RFC5: variants seen among roughly 807,000 people sequenced by gnomAD.
RFC5 encodes A1 36 kDa subunit.
In RFC5, 26 loss-of-function variants were observed where a neutral mutation model predicts 44.3. The observed-to-expected ratio is 0.59, with a 90% CI of 0.43 to 0.81. The LOEUF (loss-of-function observed/expected upper bound fraction) is 0.81. Ranked by LOEUF, RFC5 falls within the 40% of genes least tolerant of loss-of-function variation. The probability of loss-of-function intolerance (pLI) is 0.00; values close to 1 mark genes in which losing one functional copy is unlikely to be tolerated. For synonymous variants in RFC5, 155 were observed against 155.2 expected, an observed-to-expected ratio of 1.00 and a Z score of 0.01; for missense variants, 328 against 418.6, an observed-to-expected ratio of 0.78 and a Z score of 1.89.
chr12:118,035,452 G>T, downstream of RFC5: 1 of 752,060 alleles, frequency 1.3e-6, no homozygotes, highest in Non-Finnish European at 2.2e-6. Context: ...TGTGCCCCTC[G>T]TGGAAAAGCT....
downstream of RFC5, among the ~76,000 whole-genome samples, chr12:118,037,535 T>C (rs2031539917): frequency 6.6e-6 from 1 of 151,038 alleles, no homozygotes; most frequent in African/African-American, 2.4e-5. Flanking sequence ...AGGCGTGGTG[T>C]AGCACGCCTA....
Position 118,027,835 on chromosome 12 carries a change from A to C in RFC5, c.794-118A>C, listed in dbSNP as rs961928417. On this transcript the variant is annotated intron_variant, in intron 8 of 10. Transcript: ENST00000454402. ...TGCAGCTTCAAGTTGAAAGAGAAAC[A>C]GTTGTGTTGGGATTAAAAGCCTTAC... 6.1e-6 allele frequency: 4 copies of C among 654,548 alleles called. No homozygotes were observed. In the African/African-American group the frequency reaches 7.2e-5, roughly 12 times the overall value. 40.5% of individuals were successfully genotyped at this position (654,548 alleles called of 1,614,324 possible). A position where few individuals can be genotyped will look rare whatever the true frequency, so the allele number is the denominator to read the frequency against.
chr12:118,028,493 AAC>A (rs978931526), intron 9 of RFC5, among the ~76,000 whole-genome samples: 8 of 150,988 alleles, frequency 5.3e-5, no homozygotes, highest in African/African-American at 2.0e-4. Flanking sequence ...CAAAAAAAAA[AAC>A]AAAACAAAAC....
intron 4 of RFC5, among the ~76,000 whole-genome samples, chr12:118,021,889 A>G (rs911521568): frequency 3.3e-5 from 5 of 152,096 alleles, no homozygotes; most frequent in African/African-American, 1.2e-4. Context: ...CCCAGGAGGC[A>G]GAGGTTGCAG....
downstream of RFC5, chr12:118,034,195 C>T: frequency 6.2e-7 from 1 of 1,614,144 alleles, no homozygotes; most frequent in South Asian, 1.1e-5. Context: ...TGTGGTGTTG[C>T]TTAAAAAGTC....
downstream of RFC5, chr12:118,036,631 C>A: frequency 9.7e-7 from 1 of 1,026,244 alleles, no homozygotes; most frequent in South Asian, 1.7e-5. Flanking sequence ...ATTCTCTATC[C>A]CTTTTCTACA....
At chr12:118,029,595 A>G (rs1340173163) in intron 9 of RFC5, among the ~76,000 whole-genome samples, 176 bp from the exon 10 acceptor site, 1 of 152,146 alleles carries the variant, frequency 6.6e-6, no homozygotes, top group Non-Finnish European at 1.5e-5. Flanking sequence ...TCGAGTGGGT[A>G]AAAAGTATGA....
intron 7 of RFC5, among the ~76,000 whole-genome samples, chr12:118,026,104 A>T (rs2030924132): frequency 6.6e-6 from 1 of 151,886 alleles, no homozygotes; most frequent in African/African-American, 2.4e-5. Context: ...CAGCTTCCTA[A>T]AGTGCTGGGA....
At chr12:118,028,212 G>A (rs1009813327) in intron 9 of RFC5, among the ~76,000 whole-genome samples, 182 bp downstream of exon 9, 5 of 152,108 alleles carry the variant, frequency 3.3e-5, no homozygotes, top group Admixed American at 2.6e-4. Flanking sequence ...AGCTGGGTAC[G>A]GTGGCTCAAG....
Position 118,023,955 on chromosome 12 carries a change from A to G in RFC5, c.422-896A>G, listed in dbSNP as rs1040605876. 4.6e-5 allele frequency among the ~76,000 whole-genome samples: 7 copies of G among 152,110 alleles called. No homozygotes were observed. In the East Asian group the frequency reaches 1.4e-3, roughly 29 times the overall value. Reference sequence around the variant, plus strand: ...GGCTAGGCAGGGCGCAGTGGCTCACACCTGTAATCCCAGTACTTTGGGAGG... The same window carrying G: ...GGCTAGGCAGGGCGCAGTGGCTCACGCCTGTAATCCCAGTACTTTGGGAGG... On this transcript the variant is annotated intron_variant, in intron 5 of 10. Coordinates refer to ENST00000454402, the MANE Select transcript of RFC5 (RefSeq NM_007370.7).
At position 118,019,057 on chromosome 12, in the gene RFC5, T is replaced by G; in HGVS notation, c.66-15T>G. ...CATTTATATATGTCATAATACATAC[T>G]AAATTGTATTTCAGGGTTGAAAAAT... is the stretch of plus-strand genomic sequence containing the variant. On this transcript the variant is annotated splice_polypyrimidine_tract_variant and intron_variant, in intron 1 of 10. Transcript: ENST00000454402. This position sits in a 1 kb window ranked among gnomAD's most constrained non-coding sequence, Gnocchi z 4.2. 6.3e-7 allele frequency: 1 copy of G among 1,580,218 alleles called. No individual in the cohort carries two copies. Among genetic ancestry groups the G allele is most frequent in the East Asian group, 2.2e-5 (1 of 44,740 alleles).
chr12:118,023,442 G>A (rs2030682206), intron 5 of RFC5, among the ~76,000 whole-genome samples: 2 of 75,892 alleles, frequency 2.6e-5, no homozygotes, highest in Admixed American at 1.4e-4. Context: ...AGGAGGGGGT[G>A]AGGAGGAGGA....
downstream of RFC5, chr12:118,035,090 G>A (rs1752297558): frequency 1.9e-6 from 3 of 1,614,158 alleles, no homozygotes; most frequent in Admixed American, 1.7e-5. Context: ...AGATCCTGAG[G>A]AGTCTGGATG....
rs1593457148 is a variant in RFC5 at position 118,031,505 on chromosome 12, T to C, written c.*227T>C. ...TTTTAATGTATTAACTCATACTGCC[T>C]GTCTTTTATAGGGGAAAAAAATAAC... On this transcript the variant is annotated 3_prime_UTR_variant, in exon 11 of 11. Transcript: ENST00000454402. 4 of 345,104 alleles carry C rather than the reference T, an allele frequency of 1.2e-5. No homozygotes were observed. The highest frequency in any genetic ancestry group is 4.7e-5 in the Admixed American group (1 of 21,326). The allele number at this position is 345,104 out of a possible 1,614,324, so 21.4% of individuals were successfully genotyped here. A position where few individuals can be genotyped will look rare whatever the true frequency, so the allele number is the denominator to read the frequency against.
chr12:118,017,685 T>C, intron 1 of RFC5: 1 of 929,994 alleles, frequency 1.1e-6, no homozygotes, highest in Non-Finnish European at 1.4e-6. Flanking sequence ...ATTTTTTTTT[T>C]TTAGAGACAG....
At chr12:118,022,473 T>G (rs1187674011) in intron 5 of RFC5, 114 bp downstream of exon 5, 1 of 751,304 alleles carries the variant, frequency 1.3e-6, no homozygotes, top group Non-Finnish European at 2.2e-6. Flanking sequence ...GAGTTTTTTT[T>G]TCTTTTTTTG....
chr12:118,016,837 T>C lies in RFC5; in HGVS notation c.10T>C (p.Ser4Pro). The change falls in exon 1 of 11, where the codon TCA becomes CCA. Residue 4 changes from serine to proline, a missense_variant. Ser to Pro is a moderately conservative substitution (Grantham distance 74). Transcript: ENST00000454402. MET[S>P]ALKQQEQPAA... ...CCTTCGTCTCCCCGCCATGGAGACCTCAGCACTCAAGCAGCAGGAGCAGCC... is the reference window on the plus strand; with the variant it reads ...CCTTCGTCTCCCCGCCATGGAGACCCCAGCACTCAAGCAGCAGGAGCAGCC... 6.2e-7 allele frequency: 1 copy of C among 1,613,248 alleles called. No individual in the cohort carries two copies.
In RFC5 at chr12:118,016,919, G is replaced by A. The variant is rs1321179283; in HGVS notation, c.65+27G>A. ...TAGGAGGAGGCCGAGCGGCGGCGGTGGGCAGAGGGGGCCAGGCGGCCGCGC... is the reference window on the plus strand; with the variant it reads ...TAGGAGGAGGCCGAGCGGCGGCGGTAGGCAGAGGGGGCCAGGCGGCCGCGC... On this transcript the variant is annotated intron_variant, in intron 1 of 10. Transcript: ENST00000454402. The A allele has an allele frequency of 3.1e-6, 5 of 1,597,158 alleles. No homozygotes were observed. The Admixed American group carries it at 5.0e-5, about 16-fold the overall frequency.
downstream of RFC5, chr12:118,036,599 GCAGGCCCTGCAGC>G (rs759835037): frequency 2.1e-5 from 29 of 1,353,482 alleles, no homozygotes; most frequent in South Asian, 2.8e-5. Flanking sequence ...CACCAAATCT[GCAGGCCCTGCAGC>G]CAGGGCTGAT....
Sources: gnomAD v4.1 joint callset for allele counts (sites outside exome capture counted in the v4.1 genomes callset) on GRCh38, gnomAD v4.1.1 for gene constraint, Gnocchi (gnomAD v3.1) non-coding constraint, MANE v1.5 for transcripts, NCBI Gene and HGNC (gene_info 2026-07-23, HGNC 2026-07-21) for gene names.